The following MAP2K2 variants were observed in gnomAD, a reference collection of about 807,000 sequenced individuals.
The protein encoded by MAP2K2 is mitogen-activated protein kinase kinase 2.
In MAP2K2, 24 loss-of-function variants were observed where a neutral mutation model predicts 43.7. The ratio of observed to expected loss-of-function variants is 0.55; its 90% confidence interval spans 0.40 to 0.77. The LOEUF (loss-of-function observed/expected upper bound fraction) is 0.77, where lower values mean the gene tolerates loss of function less well. Among genes scored for constraint, MAP2K2 ranks in the 30% least tolerant of loss-of-function variants. The probability of loss-of-function intolerance (pLI) is 0.00; values close to 1 mark genes in which losing one functional copy is unlikely to be tolerated. For missense variants in MAP2K2, 470 were observed against 566.8 expected (o/e 0.83, Z 1.73); for synonymous variants, 244 against 239.7 (o/e 1.02, Z -0.17).
chr19:4,101,192 G>GC lies in MAP2K2; in HGVS notation c.580+36dup, dbSNP rs774928759. On this transcript the variant is annotated intron_variant, in intron 5 of 10. Transcript: ENST00000262948. This position sits in a 1 kb window ranked among gnomAD's most constrained non-coding sequence, Gnocchi z 6.3. ...AGGGGCGCCCAACAGTTGCCTGCCG[G>GC]CCCCCGGGGCTCTGGGGAGGGCGGG... The GC allele has an allele frequency of 2.2e-5, 33 of 1,534,812 alleles. No individual in the cohort carries two copies. The highest frequency in any genetic ancestry group is 2.8e-5 in the Non-Finnish European group (32 of 1,133,558).
chr19:4,107,179 T>A (rs2041093961), intron 3 of MAP2K2, among the ~76,000 whole-genome samples: 1 of 152,150 alleles, frequency 6.6e-6, no homozygotes, highest in East Asian at 1.9e-4. Flanking sequence ...GAGAATCGTT[T>A]GAGCCCAGGA....
Position 4,099,407 on chromosome 19 carries a change from C to T in MAP2K2, c.713G>A (p.Arg238Gln), listed in dbSNP as rs1348137830. Residue 238 changes from arginine (R) to glutamine (Q), a missense_variant, in exon 7 of 11, where the codon CGG (arginine) becomes CAG (glutamine). By Grantham distance (43) the Arg-to-Gln change is conservative (BLOSUM62 1). Coordinates refer to ENST00000262948, the MANE Select transcript of MAP2K2 (RefSeq NM_030662.4). ...VGTRSYMAPE[R>Q]LQGTHYSVQS... Reference sequence around the variant, plus strand: ...CACCGAGTAATGTGTGCCCTGCAACCGCTCCGGCTGCAGCAGAGCCAGGGA... The same window carrying T: ...CACCGAGTAATGTGTGCCCTGCAACTGCTCCGGCTGCAGCAGAGCCAGGGA... The T allele has an allele frequency of 6.2e-6, 10 of 1,604,948 alleles. No homozygotes were observed. Among genetic ancestry groups the T allele is most frequent in the African/African-American group, 1.3e-5 (1 of 74,714 alleles).
At chr19:4,100,643 C>T (rs76188170) in intron 6 of MAP2K2, 122 of 280,284 alleles carry the variant, frequency 4.4e-4, no homozygotes, top group African/African-American at 2.6e-3. Flanking sequence ...CAGCGAGACC[C>T]CGTGTCTACA....
intron 7 of MAP2K2, among the ~76,000 whole-genome samples, chr19:4,097,789 C>G (rs2040941536): frequency 6.6e-6 from 1 of 152,146 alleles, no homozygotes; most frequent in African/African-American, 2.4e-5. Flanking sequence ...GGGTGGCTGA[C>G]CCCTGTCTGA....
At chr19:4,090,891 C>T (rs1305802294) in intron 10 of MAP2K2, among the ~76,000 whole-genome samples, 183 bp from the exon 11 acceptor site, 2 of 152,180 alleles carry the variant, frequency 1.3e-5, no homozygotes, top group African/African-American at 4.8e-5. Flanking sequence ...AAAGGGGCAG[C>T]GGCGTGTGCC....
chr19:4,099,077 G>A (rs964485398), intron 7 of MAP2K2, 124 bp downstream of exon 7: 62 of 808,556 alleles, frequency 7.7e-5, no homozygotes, highest in Middle Eastern at 3.5e-4. Context: ...GACCACAGTC[G>A]GCACCATCCA....
chr19:4,092,557 C>G (rs1388492898), intron 10 of MAP2K2, among the ~76,000 whole-genome samples: 1 of 152,056 alleles, frequency 6.6e-6, no homozygotes, highest in Admixed American at 6.5e-5. Context: ...CCACTGCACT[C>G]CAGCCTGGGC....
intron 10 of MAP2K2, among the ~76,000 whole-genome samples, chr19:4,091,144 A>G (rs1194337184): frequency 6.6e-6 from 1 of 152,096 alleles, no homozygotes; most frequent in Non-Finnish European, 1.5e-5. Flanking sequence ...TGACACCACA[A>G]TGTCCTCAGC....
chr19:4,105,772 C>G (rs150948077), intron 3 of MAP2K2, among the ~76,000 whole-genome samples: 18 of 152,248 alleles, frequency 1.2e-4, no homozygotes, highest in African/African-American at 4.1e-4. Context: ...CTCCTTGGTT[C>G]AGGCAGTCCT....
chr19:4,102,776 G>A (rs1459813600), intron 3 of MAP2K2: 3 of 1,267,632 alleles, frequency 2.4e-6, no homozygotes, highest in South Asian at 3.1e-5. Flanking sequence ...CCGCGGCCGG[G>A]GGCTCAGGCA....
At chr19:4,104,921 G>A (rs28579444) in intron 3 of MAP2K2, 20,837 of 152,270 alleles carry the variant, frequency 0.14, 2,463 homozygotes, top group African/African-American at 0.33. Context: ...TCCACTCCAC[G>A]CCAGGAGCAT....
chr19:4,099,409 C>T lies in MAP2K2; in HGVS notation c.711G>A (p.Glu237=). ...CCGAGTAATGTGTGCCCTGCAACCGCTCCGGCTGCAGCAGAGCCAGGGAGG... is the reference window on the plus strand; with the variant it reads ...CCGAGTAATGTGTGCCCTGCAACCGTTCCGGCTGCAGCAGAGCCAGGGAGG... ...FVGTRSYMAP[E]RLQGTHYSVQ... The change falls in exon 7 of 11, where the codon GAG becomes GAA. Residue 237 remains glutamate (E), a synonymous_variant. Coordinates refer to ENST00000262948, the MANE Select transcript of MAP2K2 (RefSeq NM_030662.4). The T allele has an allele frequency of 6.2e-7, 1 of 1,603,710 alleles. No individual in the cohort carries two copies. Among genetic ancestry groups the T allele is most frequent in the Non-Finnish European group, 8.5e-7 (1 of 1,175,210 alleles).
At chr19:4,121,472 T>C (rs998997319) in intron 1 of MAP2K2, among the ~76,000 whole-genome samples, 7 of 151,014 alleles carry the variant, frequency 4.6e-5, no homozygotes, top group Non-Finnish European at 7.4e-5. Context: ...GAGATGCCCA[T>C]CTTGACATCT....
In MAP2K2 at chr19:4,090,612, G is replaced by A. The variant is rs730880516; in HGVS notation, c.1189C>T (p.Arg397Cys). The change falls in exon 11 of 11, where the codon CGC becomes TGC. Residue 397 changes from arginine (R) to cysteine (C), a missense_variant. By Grantham distance (180) the Arg-to-Cys change is radical. This residue lies in a region of MAP2K2 where 212 missense variants were observed against 220.8 expected (regional missense o/e 0.96). Transcript: ENST00000262948. ...CCCGGCCACTGTCACACGGCGGTGC[G>A]CGTGGGTGTGCCGGGCTGGTTCAGC... ...LRLNQPGTPTRTAV is the reference protein window; with the variant it reads ...LRLNQPGTPTCTAV 12 of 1,551,544 alleles carry A rather than the reference G, an allele frequency of 7.7e-6. No individual in the cohort carries two copies. The highest frequency in any genetic ancestry group is 4.9e-5 in the East Asian group (2 of 41,052).
chr19:4,093,226 A>G (rs1254853029), intron 10 of MAP2K2, among the ~76,000 whole-genome samples: 1 of 150,786 alleles, frequency 6.6e-6, no homozygotes, highest in Non-Finnish European at 1.5e-5. Context: ...CTTTGCGGGG[A>G]AAAACAAAAC....
intron 3 of MAP2K2, chr19:4,104,571 AAG>A (rs2041059567): frequency 6.6e-6 from 1 of 152,366 alleles, no homozygotes; most frequent in Non-Finnish European, 1.5e-5. Context: ...AAAAACCAGA[AAG>A]AGACCAACGA....
intron 3 of MAP2K2, chr19:4,103,070 G>A (rs1351745277): frequency 1.1e-5 from 11 of 1,021,258 alleles, no homozygotes; most frequent in Non-Finnish European, 1.3e-5. Flanking sequence ...AGGGCAGAAA[G>A]GCCAGGCCGA....
chr19:4,107,229 C>T (rs1193084394), intron 3 of MAP2K2, among the ~76,000 whole-genome samples: 1 of 151,794 alleles, frequency 6.6e-6, no homozygotes, highest in African/African-American at 2.4e-5. Flanking sequence ...CATCCCATAT[C>T]TACAAAAAAA....
intron 3 of MAP2K2, 97 bp downstream of exon 3, chr19:4,110,412 G>T: frequency 6.7e-7 from 1 of 1,486,052 alleles, no homozygotes; most frequent in Non-Finnish European, 9.3e-7. Context: ...GCGCACTGTT[G>T]CCTCTGAGGA....
Sources: gnomAD v4.1 joint callset for allele counts (sites outside exome capture counted in the v4.1 genomes callset) on GRCh38, gnomAD v4.1.1 for gene constraint, gnomAD v4.1.1 regional missense constraint, Gnocchi (gnomAD v3.1) non-coding constraint, MANE v1.5 for transcripts, NCBI Gene and HGNC (gene_info 2026-07-23, HGNC 2026-07-21) for gene names.